The following OTUD7A variants were observed in gnomAD, a reference collection of about 807,000 sequenced individuals.
OTUD7A encodes the protein OTU domain-containing protein 7A.
OTUD7A carries 12 observed loss-of-function variants against 65.7 expected under a neutral mutation model. The observed-to-expected ratio is 0.18, with a 90% CI of 0.12 to 0.30. The LOEUF is 0.30. Among genes scored for constraint, OTUD7A ranks in the 10% least tolerant of loss-of-function variants. OTUD7A has a pLI of 1.00. For missense variants in OTUD7A, 1,148 were observed against 1,304.8 expected (o/e 0.88, Z 1.85); for synonymous variants, 641 against 586.3 (o/e 1.09, Z -1.35).
intron 8 of OTUD7A, among the ~76,000 whole-genome samples, chr15:31,509,176 T>C (rs1412580843): frequency 1.3e-5 from 2 of 152,136 alleles, no homozygotes; most frequent in Non-Finnish European, 2.9e-5. Flanking sequence ...GAAAAATTTA[T>C]TGTGCTTTTA....
At chr15:31,659,065 A>G (rs200173104) in intron 1 of OTUD7A, among the ~76,000 whole-genome samples, 27,901 of 144,844 alleles carry the variant, frequency 0.19, 2,746 homozygotes, top group East Asian at 0.24. Context: ...ATAAATAAAT[A>G]AATAAATAAA....
intron 3 of OTUD7A, among the ~76,000 whole-genome samples, chr15:31,647,437 A>C (rs1300091522): frequency 6.6e-6 from 1 of 152,258 alleles, no homozygotes; most frequent in African/African-American, 2.4e-5. Context: ...GAAGTCCACA[A>C]AGTTCCACAG....
chr15:31,827,013 C>A (rs1490644610), intron 1 of OTUD7A, among the ~76,000 whole-genome samples: 2 of 152,200 alleles, frequency 1.3e-5, no homozygotes, highest in Admixed American at 6.5e-5. Context: ...TCCAAACTTC[C>A]CCACATTTTC....
At position 31,853,821 on chromosome 15, in the gene OTUD7A, C is replaced by G. The variant is rs572064738; in HGVS notation, c.-100+16686G>C. On this transcript the variant is annotated intron_variant, in intron 1 of 12. Coordinates refer to ENST00000307050, the MANE Select transcript of OTUD7A (RefSeq NM_001382637.1). ...CATCCCGCCCTGGCTTCACCCTCAT[C>G]CTTCTTCTTCAACAAAGACCTGACC... is the stretch of plus-strand genomic sequence containing the variant. 2.8e-4 allele frequency among the ~76,000 whole-genome samples: 43 copies of G among 152,318 alleles called. No homozygotes were observed. In the South Asian group the frequency reaches 8.7e-3, roughly 31 times the overall value.
chr15:31,806,920 A>C (rs1256863401), intron 1 of OTUD7A, among the ~76,000 whole-genome samples: 1 of 152,128 alleles, frequency 6.6e-6, no homozygotes, highest in Non-Finnish European at 1.5e-5. Context: ...GTGCCCTGAC[A>C]CTGTCCCCAT....
At chr15:31,492,593 A>C (rs2041331714) in intron 10 of OTUD7A, among the ~76,000 whole-genome samples, 2 of 152,000 alleles carry the variant, frequency 1.3e-5, no homozygotes, top group Admixed American at 6.5e-5. Context: ...AAAAAAAAAA[A>C]AAAAAACAAA....
intron 1 of OTUD7A, among the ~76,000 whole-genome samples, chr15:31,784,123 T>C (rs1895610916): frequency 6.6e-6 from 1 of 152,210 alleles, no homozygotes; most frequent in Non-Finnish European, 1.5e-5. Flanking sequence ...ACAGATCATA[T>C]GTAGATAAGT....
At chr15:31,530,123 G>A (rs1157243720) in intron 6 of OTUD7A, among the ~76,000 whole-genome samples, 1 of 152,176 alleles carries the variant, frequency 6.6e-6, no homozygotes, top group Non-Finnish European at 1.5e-5. Context: ...GGTATATTCT[G>A]ACTATGCTGA....
rs1173860361 is a variant in OTUD7A, at chr15:31,482,292, C to G, written c.*1002G>C. 1 of 152,452 alleles carries G rather than the reference C, an allele frequency of 6.6e-6. No homozygotes were observed. The highest frequency in any genetic ancestry group is 2.4e-5 in the African/African-American group (1 of 41,466). 9.4% of individuals were successfully genotyped at this position (152,452 alleles called of 1,614,324 possible). A position where few individuals can be genotyped will look rare whatever the true frequency, so the allele number is the denominator to read the frequency against. On this transcript the variant is annotated 3_prime_UTR_variant, in exon 13 of 13. Coordinates refer to ENST00000307050, the MANE Select transcript of OTUD7A (RefSeq NM_001382637.1). ...CAGATGCAGGTGTGGGGGTGGGCTTCCTTCCTGGTTCCCCCAGCCCCTTCC... is the reference window on the plus strand; with the variant it reads ...CAGATGCAGGTGTGGGGGTGGGCTTGCTTCCTGGTTCCCCCAGCCCCTTCC...
chr15:31,499,885 GGCCCTCCTGAAAGGTCCCAAGCCACAGC>G (rs1224720536), intron 10 of OTUD7A, among the ~76,000 whole-genome samples: 1 of 152,242 alleles, frequency 6.6e-6, no homozygotes, highest in African/African-American at 2.4e-5. Context: ...AACTCTGCAA[GGCCCTCCTGAAAGGTCCCAAGCCACAGC>G]GCCCTCCATG....
rs954818482 is a variant in OTUD7A, at chr15:31,483,259, G to C, written c.*35C>G. The C allele has an allele frequency of 9.3e-7, 1 of 1,071,826 alleles. No individual in the cohort carries two copies. Among genetic ancestry groups the C allele is most frequent in the African/African-American group, 1.7e-5 (1 of 59,168 alleles). 66.4% of individuals were successfully genotyped at this position (1,071,826 alleles called of 1,614,324 possible). Reference sequence around the variant, plus strand: ...ACACAATGGAAAAGAAATCCTCGAAGGTAGAACCTCGCCGCCCGCGCCGCG... The same window carrying C: ...ACACAATGGAAAAGAAATCCTCGAACGTAGAACCTCGCCGCCCGCGCCGCG... On this transcript the variant is annotated 3_prime_UTR_variant, in exon 13 of 13. Coordinates refer to ENST00000307050, the MANE Select transcript of OTUD7A (RefSeq NM_001382637.1).
intron 1 of OTUD7A, among the ~76,000 whole-genome samples, chr15:31,680,454 C>T (rs1963065): frequency 0.031 from 4,769 of 152,248 alleles, 241 homozygotes; most frequent in African/African-American, 0.11. Flanking sequence ...CAGGTGTCAT[C>T]ATGAAAGTGT....
At chr15:31,522,846 A>G (rs138323337) in intron 8 of OTUD7A, among the ~76,000 whole-genome samples, 3 of 152,278 alleles carry the variant, frequency 2.0e-5, no homozygotes, top group Admixed American at 6.5e-5. Flanking sequence ...TACGTGACAT[A>G]GTTGCTTTCT....
chr15:31,584,888 C>G (rs149934479), intron 3 of OTUD7A, among the ~76,000 whole-genome samples: 3 of 152,274 alleles, frequency 2.0e-5, no homozygotes, highest in Non-Finnish European at 4.4e-5. Flanking sequence ...CCTATGTGCC[C>G]TCTTGCTTCC....
intron 1 of OTUD7A, among the ~76,000 whole-genome samples, chr15:31,745,054 A>C (rs914286001): frequency 6.6e-6 from 1 of 152,112 alleles, no homozygotes; most frequent in Admixed American, 6.5e-5. Context: ...ATTAAAGAAG[A>C]CCTTACAAAA....
chr15:31,689,772 GT>G (rs1439745730), intron 1 of OTUD7A, among the ~76,000 whole-genome samples: 2 of 152,172 alleles, frequency 1.3e-5, no homozygotes, highest in African/African-American at 4.8e-5. Context: ...CTTAACAGAC[GT>G]GAGGGTGGGC....
At chr15:31,491,292 A>T (rs1289369630) in intron 10 of OTUD7A, among the ~76,000 whole-genome samples, 1 of 152,260 alleles carries the variant, frequency 6.6e-6, no homozygotes, top group Admixed American at 6.5e-5. Flanking sequence ...TTTGATGGTT[A>T]ATTTCAGCAT....
rs1891400375 is a variant in OTUD7A at position 31,638,290 on chromosome 15, T to C, written c.151+16806A>G. ...AGATGATTGTTAGCATTTTTGGCAA[T>C]AAAGTATTTTTTCAAATTAAGTTAT... On this transcript the variant is annotated intron_variant, in intron 3 of 12. Transcript: ENST00000307050. 3.9e-5 allele frequency among the ~76,000 whole-genome samples: 6 copies of C among 152,206 alleles called. No individual in the cohort carries two copies. The South Asian group carries it at 1.2e-3, about 32-fold the overall frequency.
chr15:31,694,189 C>T (rs1043767285), intron 1 of OTUD7A, among the ~76,000 whole-genome samples: 2 of 152,110 alleles, frequency 1.3e-5, no homozygotes, highest in African/African-American at 4.8e-5. Flanking sequence ...GTGGAGGGGG[C>T]CCACGCAGCG....
Sources: allele counts gnomAD v4.1 joint callset (sites outside exome capture counted in the v4.1 genomes callset), GRCh38; gene constraint gnomAD v4.1.1; transcripts MANE v1.5; gene names NCBI Gene and HGNC (gene_info 2026-07-23, HGNC 2026-07-21).